The following ZFAND3 variants were observed in gnomAD, a reference collection of about 807,000 sequenced individuals.
The protein encoded by ZFAND3 is zinc finger AN1-type containing 3.
Under a neutral mutation model 29.6 loss-of-function variants are expected in ZFAND3, and 10 were observed. That is an observed-to-expected ratio of 0.34 (90% CI 0.21 to 0.57). The LOEUF (loss-of-function observed/expected upper bound fraction) is 0.57. Ranked by LOEUF, ZFAND3 falls within the 20% of genes least tolerant of loss-of-function variation. The probability of loss-of-function intolerance (pLI) is 0.86; values close to 1 mark genes in which losing one functional copy is unlikely to be tolerated. For synonymous variants in ZFAND3, 128 were observed against 112.6 expected, an observed-to-expected ratio of 1.14 and a Z score of -0.87; for missense variants, 230 against 304.5, an observed-to-expected ratio of 0.76 and a Z score of 1.82.
At chr6:38,103,667 T>G (rs946979550) in intron 4 of ZFAND3, among the ~76,000 whole-genome samples, 4 of 152,256 alleles carry the variant, frequency 2.6e-5, no homozygotes, top group Non-Finnish European at 4.4e-5. Context: ...CTATCTAGTC[T>G]TAACACTGTA....
chr6:37,834,327 G>T (rs1763923368), intron 1 of ZFAND3, among the ~76,000 whole-genome samples: 1 of 151,996 alleles, frequency 6.6e-6, no homozygotes, highest in Non-Finnish European at 1.5e-5. Flanking sequence ...TCTTTTCATG[G>T]CTTGCTAGCT....
intron 1 of ZFAND3, among the ~76,000 whole-genome samples, chr6:37,867,034 C>A (rs1448584505): frequency 6.6e-6 from 1 of 152,206 alleles, no homozygotes; most frequent in Non-Finnish European, 1.5e-5. Context: ...GTCAAATGTT[C>A]ACCTTTAGGG....
At chr6:38,066,466 G>A (rs1256842423) in intron 3 of ZFAND3, among the ~76,000 whole-genome samples, 1 of 152,226 alleles carries the variant, frequency 6.6e-6, no homozygotes, top group African/African-American at 2.4e-5. Context: ...CTGAAGAGAT[G>A]TGGAGAAGTA....
intron 1 of ZFAND3, among the ~76,000 whole-genome samples, chr6:37,925,867 G>A (rs867239620): frequency 6.6e-6 from 1 of 152,172 alleles, no homozygotes; most frequent in Non-Finnish European, 1.5e-5. Flanking sequence ...ATGTCAAATA[G>A]GCAGTTAGAT....
Position 37,962,778 on chromosome 6 carries a change from CTTCCACGCT to C in ZFAND3, c.112+32780_112+32788del, listed in dbSNP as rs573743956. Among the ~76,000 whole-genome samples the C allele has an allele frequency of 6.6e-4, 100 of 152,270 alleles. 3 individuals carry two copies. In the East Asian group the frequency reaches 0.019, roughly 29 times the overall value. Reference sequence around the variant, plus strand: ...AGCAAGGGCAACCCTCTCGGGTCCCCTTCCACGCTGTGGAAGCTTTGTTCTTTTGCTCTT... The same window carrying C: ...AGCAAGGGCAACCCTCTCGGGTCCCCGTGGAAGCTTTGTTCTTTTGCTCTT... On this transcript the variant is annotated intron_variant, in intron 2 of 5. Coordinates refer to ENST00000287218, the MANE Select transcript of ZFAND3 (RefSeq NM_021943.3).
chr6:37,994,118 C>CTG (rs10535939), intron 2 of ZFAND3, among the ~76,000 whole-genome samples: 315 of 150,682 alleles, frequency 2.1e-3, no homozygotes, highest in Admixed American at 5.3e-3. Context: ...GAGTGTGTGT[C>CTG]TGTGTGTGTG....
chr6:38,090,864 T>TA (rs1463570972), intron 4 of ZFAND3, among the ~76,000 whole-genome samples: 11 of 152,302 alleles, frequency 7.2e-5, no homozygotes, highest in African/African-American at 2.4e-4. Flanking sequence ...AGATTTCAGA[T>TA]AAGATGAGGG....
At chr6:38,099,271 C>A (rs1243967078) in intron 4 of ZFAND3, among the ~76,000 whole-genome samples, 2 of 152,106 alleles carry the variant, frequency 1.3e-5, no homozygotes, top group African/African-American at 4.8e-5. Flanking sequence ...ACAGTTTAAC[C>A]TTGGAGGCAT....
rs1370165797 is a variant in ZFAND3 at position 38,070,857 on chromosome 6, TTTC to T, written c.295+9091_295+9093del. ...CAATATTAGGTGGGTTTTTTCTTTG[TTTC>T]TTCTTCTTTTTTTTTAATAAGTTGG... On this transcript the variant is annotated intron_variant, in intron 3 of 5. Transcript: ENST00000287218. 2.8e-4 allele frequency among the ~76,000 whole-genome samples: 42 copies of T among 152,204 alleles called. 1 individual carries two copies. The highest frequency in any genetic ancestry group is 1.6e-3 in the Admixed American group (25 of 15,282).
At chr6:37,990,181 G>A (rs771791743) in intron 2 of ZFAND3, among the ~76,000 whole-genome samples, 9 of 152,220 alleles carry the variant, frequency 5.9e-5, no homozygotes, top group South Asian at 2.1e-4. Context: ...GAGAATTTTC[G>A]TTTTTAGTAA....
At chr6:38,052,495 G>A (rs1392118677) in intron 2 of ZFAND3, among the ~76,000 whole-genome samples, 2 of 152,110 alleles carry the variant, frequency 1.3e-5, no homozygotes, top group Admixed American at 6.5e-5. Context: ...GTGTTCATCA[G>A]TATCCAATAC....
chr6:37,991,653 T>G (rs1425527118), intron 2 of ZFAND3, among the ~76,000 whole-genome samples: 1 of 152,164 alleles, frequency 6.6e-6, no homozygotes, highest in African/African-American at 2.4e-5. Context: ...ACAGGGAAAT[T>G]TCACTTGCCC....
intron 1 of ZFAND3, among the ~76,000 whole-genome samples, chr6:37,881,255 T>C (rs1764890146): frequency 6.6e-6 from 1 of 152,110 alleles, no homozygotes; most frequent in Non-Finnish European, 1.5e-5. Flanking sequence ...ATTTAATCTT[T>C]TTGTATTTTT....
chr6:37,895,591 G>A (rs1160040880), intron 1 of ZFAND3, among the ~76,000 whole-genome samples: 1 of 145,098 alleles, frequency 6.9e-6, no homozygotes, highest in African/African-American at 2.6e-5. Flanking sequence ...TAATGTCTTT[G>A]GTTACTATTC....
intron 1 of ZFAND3, among the ~76,000 whole-genome samples, chr6:37,909,113 T>A (rs1456756412): frequency 1.3e-5 from 2 of 152,114 alleles, no homozygotes; most frequent in Non-Finnish European, 2.9e-5. Flanking sequence ...GTAGTAAGTG[T>A]GGAGATGGAT....
intron 2 of ZFAND3, among the ~76,000 whole-genome samples, chr6:37,985,094 A>G (rs539550544): frequency 4.7e-4 from 72 of 152,296 alleles, no homozygotes; most frequent in Non-Finnish European, 8.4e-4. Flanking sequence ...AAACTAGGCA[A>G]TGAGTGTTTA....
At chr6:38,089,413 C>G (rs1379017929) in intron 4 of ZFAND3, among the ~76,000 whole-genome samples, 2 of 152,140 alleles carry the variant, frequency 1.3e-5, no homozygotes, top group Non-Finnish European at 2.9e-5. Flanking sequence ...CAGGCATGAG[C>G]CACCACACCC....
intron 2 of ZFAND3, among the ~76,000 whole-genome samples, chr6:37,941,312 T>A (rs1406032990): frequency 6.6e-6 from 1 of 152,244 alleles, no homozygotes; most frequent in Non-Finnish European, 1.5e-5. Flanking sequence ...TGTGAGGATG[T>A]AACAGTAACA....
intron 2 of ZFAND3, among the ~76,000 whole-genome samples, chr6:37,959,031 G>T (rs1762150452): frequency 6.6e-6 from 1 of 152,274 alleles, no homozygotes; most frequent in East Asian, 1.9e-4. Flanking sequence ...TGGCTTCAGT[G>T]GAAGTATTGG....
Sources: gnomAD v4.1 joint callset for allele counts (sites outside exome capture counted in the v4.1 genomes callset) on GRCh38, gnomAD v4.1.1 for gene constraint, MANE v1.5 for transcripts, NCBI Gene and HGNC (gene_info 2026-07-23, HGNC 2026-07-21) for gene names.